KIF19: variants seen among roughly 807,000 people sequenced by gnomAD.
KIF19 encodes kinesin family member 19.
KIF19 carries 98 observed loss-of-function variants against 106.6 expected under a neutral mutation model. That is an observed-to-expected ratio of 0.92 (90% confidence interval 0.78 to 1.09). The LOEUF is 1.09. KIF19 is among the 50% of genes least tolerant of loss of function. The pLI is 0.00. For synonymous variants in KIF19, 516 were observed against 584.2 expected (o/e 0.88, Z 1.68); for missense variants, 1,373 against 1,414.3 (o/e 0.97, Z 0.47).
In KIF19 at chr17:74,349,214, C is replaced by G; in HGVS notation, c.1078C>G (p.His360Asp). The G allele has an allele frequency of 1.2e-6, 2 of 1,613,842 alleles. No homozygotes were observed. The highest frequency in any genetic ancestry group is 1.7e-5 in the Admixed American group (1 of 60,016). ...GCAGAACCTCCTGAACGTCTCCTACCACATCGCCCAGTACACCAGCATCAT... is the reference window on the plus strand; with the variant it reads ...GCAGAACCTCCTGAACGTCTCCTACGACATCGCCCAGTACACCAGCATCAT... ...VKQNLLNVSY[H>D]IAQYTSIIAD... is the part of the protein sequence containing the mutation. The change falls in exon 10 of 20, where the codon CAC (histidine) becomes GAC (aspartate). Residue 360 changes from histidine (H) to aspartate (D), a missense_variant. By Grantham distance (81) the His-to-Asp change is moderately conservative (BLOSUM62 -1). Around this residue, in one of 3 missense-constraint regions of KIF19, gnomAD observed 1,020 missense variants for 1,008.2 expected, o/e 1.01. Transcript: ENST00000389916.
intron 3 of KIF19, among the ~76,000 whole-genome samples, chr17:74,342,428 G>A (rs1483744214): frequency 6.6e-6 from 1 of 152,138 alleles, no homozygotes; most frequent in Non-Finnish European, 1.5e-5. Flanking sequence ...CGTCTCAGGT[G>A]TCCTGGGCTC....
rs58372274 is a variant in KIF19, at chr17:74,333,209, AG to A, written c.120+4709del. 9.3e-3 allele frequency among the ~76,000 whole-genome samples: 1,411 copies of A among 152,004 alleles called. 27 individuals are homozygous for A. Among genetic ancestry groups the A allele is most frequent in the African/African-American group, 0.032 (1,336 of 41,452 alleles). On this transcript the variant is annotated intron_variant, in intron 2 of 19. Coordinates refer to ENST00000389916, the MANE Select transcript of KIF19 (RefSeq NM_153209.4). The stretch of plus-strand genomic sequence containing the variant: ...TGAGCTGGTGGAGAGTGGCTAGGGG[AG>A]GGGGTCAGGATTCTTTACCTCTCCC...
Position 74,354,336 on chromosome 17 carries a change from C to T in KIF19, c.2483C>T (p.Ala828Val). The T allele has an allele frequency of 1.2e-6, 2 of 1,606,832 alleles. No individual in the cohort carries two copies. The highest frequency in any genetic ancestry group is 1.7e-6 in the Non-Finnish European group (2 of 1,177,248). Residue 828 changes from alanine to valine, a missense_variant, in exon 18 of 20, where the codon GCC becomes GTC. Transcript: ENST00000389916. The stretch of plus-strand genomic sequence containing the variant: ...GATGCGCGGCCACCAGGCCCACTGG[C>T]CTGCAAGCGGCCGCCCAGCCCCACA... ...GDDARPPGPL[A>V]CKRPPSPTLQ...
intron 2 of KIF19, among the ~76,000 whole-genome samples, chr17:74,337,314 T>G (rs7224171): frequency 0.92 from 137,001 of 149,358 alleles, 62,849 homozygotes; most frequent in East Asian, 0.99. Context: ...AAGCCTCCCC[T>G]AGTAGGGACT....
chr17:74,355,293 G>T lies in KIF19; in HGVS notation c.2978G>T (p.Gly993Val). The change falls in exon 20 of 20, where the codon GGA (glycine) becomes GTA (valine). Residue 993 changes from glycine (G) to valine (V), a missense_variant. Physicochemically the swap from Gly to Val is moderately radical, Grantham distance 109 (BLOSUM62 -3). Transcript: ENST00000389916. ...GGCACAAGCACCCATGGCAAAGATGGATGCTCCCGGCATAACTGAGGGGCC... is the reference window on the plus strand; with the variant it reads ...GGCACAAGCACCCATGGCAAAGATGTATGCTCCCGGCATAACTGAGGGGCC... The part of the protein sequence containing the change: ...PHGTSTHGKD[G>V]CSRHN 2 of 1,611,248 alleles carry T rather than the reference G, an allele frequency of 1.2e-6. No homozygotes were observed. The highest frequency in any genetic ancestry group is 1.1e-5 in the South Asian group (1 of 90,878).
At chr17:74,335,955 C>A (rs1026907299) in intron 2 of KIF19, among the ~76,000 whole-genome samples, 1 of 152,196 alleles carries the variant, frequency 6.6e-6, no homozygotes, top group Non-Finnish European at 1.5e-5. Flanking sequence ...TAGCAAAGTG[C>A]CACACACTGT....
intron 2 of KIF19, among the ~76,000 whole-genome samples, chr17:74,334,350 G>A (rs2054171960): frequency 6.6e-6 from 1 of 152,180 alleles, no homozygotes; most frequent in African/African-American, 2.4e-5. Flanking sequence ...GATTCTGACT[G>A]TGCGCGTGTG....
At chr17:74,354,668 G>C (rs1598402692) in intron 18 of KIF19, 109 bp downstream of exon 18, 25 of 1,522,782 alleles carry the variant, frequency 1.6e-5, no homozygotes, top group Non-Finnish European at 2.1e-5. Flanking sequence ...CCCCATACCT[G>C]GAGGCACCAC....
rs765594827 is a variant in KIF19, at chr17:74,352,062, G to A, written c.1783G>A (p.Glu595Lys). 8.8e-6 allele frequency: 14 copies of A among 1,589,558 alleles called. No homozygotes were observed. Among genetic ancestry groups the A allele is most frequent in the African/African-American group, 1.4e-5 (1 of 73,998 alleles). The change falls in exon 13 of 20, where the codon GAG becomes AAG. Residue 595 changes from glutamate to lysine, a missense_variant. Coordinates refer to ENST00000389916, the MANE Select transcript of KIF19 (RefSeq NM_153209.4). The part of the protein sequence containing the change: ...LRDGALRHRH[E>K]AVRRLEQHRS... The stretch of plus-strand genomic sequence containing the variant: ...CGACGGTGCGCTCCGCCACCGCCAC[G>A]AGGCCGTGCGCCGCCTGGAGCAGCA...
At chr17:74,340,556 T>TACACACACAC (rs61173377) in intron 2 of KIF19, among the ~76,000 whole-genome samples, 2 of 151,788 alleles carry the variant, frequency 1.3e-5, no homozygotes, top group African/African-American at 4.8e-5. Context: ...TGCGCGCGCG[T>TACACACACAC]ACACACACAC....
intron 19 of KIF19, 76 bp from the exon 20 acceptor site, chr17:74,355,106 C>A (rs2054842445): frequency 6.5e-7 from 1 of 1,548,978 alleles, no homozygotes; most frequent in Non-Finnish European, 8.8e-7. Context: ...CTAGAGAGTT[C>A]AAGGCCACTG....
intron 2 of KIF19, among the ~76,000 whole-genome samples, chr17:74,330,168 C>T (rs1406384488): frequency 5.3e-5 from 8 of 152,178 alleles, no homozygotes; most frequent in Non-Finnish European, 1.2e-4. Flanking sequence ...GGGAAGACCT[C>T]GTCTAAATGG....
At chr17:74,345,206 G>C (rs941072713) in intron 7 of KIF19, among the ~76,000 whole-genome samples, 1 of 152,166 alleles carries the variant, frequency 6.6e-6, no homozygotes, top group Non-Finnish European at 1.5e-5. Flanking sequence ...AGCAGGGTTG[G>C]GGGGAATGGG....
Position 74,342,969 on chromosome 17 carries a change from G to T in KIF19, c.320-55G>T, listed in dbSNP as rs1265562951. ...CCCGGTTTCCAGGAGTGCCTGCCCAGCAAGGCCTCCCTCCCAGCCCCACCC... is the reference window on the plus strand; with the variant it reads ...CCCGGTTTCCAGGAGTGCCTGCCCATCAAGGCCTCCCTCCCAGCCCCACCC... On this transcript the variant is annotated intron_variant, in intron 4 of 19. Coordinates refer to ENST00000389916, the MANE Select transcript of KIF19 (RefSeq NM_153209.4). The T allele has an allele frequency of 2.8e-5, 43 of 1,528,844 alleles. No homozygotes were observed. In the East Asian group the frequency reaches 9.7e-4, roughly 34 times the overall value. 94.7% of individuals were successfully genotyped at this position (1,528,844 alleles called of 1,614,324 possible).
At chr17:74,349,982 A>G (rs2054650366) in intron 10 of KIF19, among the ~76,000 whole-genome samples, 1 of 152,130 alleles carries the variant, frequency 6.6e-6, no homozygotes, top group Non-Finnish European at 1.5e-5. Flanking sequence ...TATTTTTAGT[A>G]GAGACGAGGT....
chr17:74,351,897 C>G lies in KIF19; in HGVS notation c.1618C>G (p.Arg540Gly). 1 of 1,412,172 alleles carries G rather than the reference C, an allele frequency of 7.1e-7. No individual in the cohort carries two copies. The highest frequency in any genetic ancestry group is 9.2e-7 in the Non-Finnish European group (1 of 1,091,472). 87.5% of individuals were successfully genotyped at this position (1,412,172 alleles called of 1,614,324 possible). A position where few individuals can be genotyped will look rare whatever the true frequency, so the allele number is the denominator to read the frequency against. ...GCTGGAGCAGCGCTGCCGGGAGCTGCGCGCGCGGGGCCGGCGCCTGGAGGA... is the reference window on the plus strand; with the variant it reads ...GCTGGAGCAGCGCTGCCGGGAGCTGGGCGCGCGGGGCCGGCGCCTGGAGGA... Reference protein sequence around the residue: ...LALEQRCRELRARGRRLEETL... With the variant: ...LALEQRCRELGARGRRLEETL... Residue 540 changes from arginine (R) to glycine (G), a missense_variant, in exon 13 of 20, where the codon CGC becomes GGC. Coordinates refer to ENST00000389916, the MANE Select transcript of KIF19 (RefSeq NM_153209.4).
chr17:74,347,820 T>G lies in KIF19; in HGVS notation c.968T>G (p.Ile323Ser), dbSNP rs1470518072. Residue 323 changes from isoleucine (I) to serine (S), a missense_variant, in exon 9 of 20, where the codon ATC (isoleucine) becomes AGC (serine). By Grantham distance (142) the Ile-to-Ser change is moderately radical (BLOSUM62 -2). Transcript: ENST00000389916. ...GNSRTVMIAH[I>S]SPASSAFEES... ...AGCCGCACAGTGATGATCGCTCACA[T>G]CAGTCCTGCGAGCAGTGCCTTCGAG... The G allele has an allele frequency of 6.3e-7, 1 of 1,587,952 alleles. No homozygotes were observed. Among genetic ancestry groups the G allele is most frequent in the Admixed American group, 1.8e-5 (1 of 56,380 alleles).
At chr17:74,334,882 G>C (rs770961248) in intron 2 of KIF19, among the ~76,000 whole-genome samples, 2 of 152,218 alleles carry the variant, frequency 1.3e-5, no homozygotes, top group Non-Finnish European at 2.9e-5. Flanking sequence ...GCCAGAGCCA[G>C]ATTATCTGCT....
chr17:74,343,036 C>T lies in KIF19; in HGVS notation c.332C>T (p.Thr111Ile). ...TGTTCTGCCCCAGGCTGTGGGAAAA[C>T]CTACACCATGCTGGGCACAGACCAG... ...FAYGPTGCGK[T>I]YTMLGTDQEP... Residue 111 changes from threonine to isoleucine, a missense_variant, in exon 5 of 20, where the codon ACC becomes ATC. This residue lies in a region of KIF19 where 348 missense variants were observed against 389.5 expected (regional missense o/e 0.89). Transcript: ENST00000389916. 6.3e-7 allele frequency: 1 copy of T among 1,597,960 alleles called. No individual in the cohort carries two copies. Among genetic ancestry groups the T allele is most frequent in the Non-Finnish European group, 8.5e-7 (1 of 1,172,030 alleles).
Sources: gnomAD v4.1 joint callset for allele counts (sites outside exome capture counted in the v4.1 genomes callset) on GRCh38, gnomAD v4.1.1 for gene constraint, gnomAD v4.1.1 regional missense constraint, MANE v1.5 for transcripts, NCBI Gene and HGNC (gene_info 2026-07-23, HGNC 2026-07-21) for gene names.